The following GPRIN3 variants were observed in gnomAD, a reference collection of about 807,000 sequenced individuals.
GPRIN3 encodes the protein G protein-regulated inducer of neurite outgrowth 3.
A neutral mutation model predicts 13.7 loss-of-function variants in GPRIN3; 12 were observed. The observed-to-expected ratio is 0.87, with a 90% confidence interval of 0.56 to 1.42. The LOEUF is 1.42. GPRIN3 is among the 40% of genes most tolerant of loss of function. GPRIN3 has a pLI of 0.00. For synonymous variants in GPRIN3, 377 were observed against 372.7 expected, an observed-to-expected ratio of 1.01 and a Z score of -0.13; for missense variants, 1,009 against 958.7, an observed-to-expected ratio of 1.05 and a Z score of -0.69.
chr4:89,256,511 C>T (rs1462449671), intron 1 of GPRIN3, among the ~76,000 whole-genome samples: 3 of 152,194 alleles, frequency 2.0e-5, no homozygotes, highest in South Asian at 2.1e-4. Flanking sequence ...CCCAAAGCCA[C>T]GCTGATGGGA....
intron 1 of GPRIN3, among the ~76,000 whole-genome samples, chr4:89,258,103 G>A (rs941613235): frequency 6.6e-6 from 1 of 151,180 alleles, no homozygotes; most frequent in African/African-American, 2.4e-5. Flanking sequence ...AAGGTAGTAG[G>A]AAAAAGAATT....
chr4:89,304,008 T>C (rs1402556237), intron 1 of GPRIN3, among the ~76,000 whole-genome samples: 1 of 152,194 alleles, frequency 6.6e-6, no homozygotes, highest in African/African-American at 2.4e-5. Flanking sequence ...TACTTCCTCA[T>C]TCTTTGCTTC....
intron 1 of GPRIN3, among the ~76,000 whole-genome samples, chr4:89,265,998 G>A (rs778144207): frequency 7.9e-5 from 12 of 152,156 alleles, no homozygotes; most frequent in South Asian, 2.1e-4. Context: ...AACACAAAGC[G>A]CTACATTTTT....
At position 89,276,496 on chromosome 4, in the gene GPRIN3, C is replaced by T. The variant is rs114852041; in HGVS notation, c.-123-26263G>A. Reference sequence around the variant, plus strand: ...CAGAGAGACTAGTTGAAAAAGACACCATCAGCAATTTCTTTTGAAAAACTA... The same window carrying T: ...CAGAGAGACTAGTTGAAAAAGACACTATCAGCAATTTCTTTTGAAAAACTA... On this transcript the variant is annotated intron_variant, in intron 1 of 1. Coordinates refer to ENST00000609438, the MANE Select transcript of GPRIN3 (RefSeq NM_198281.3). Among the ~76,000 whole-genome samples, 838 of 152,238 alleles carry T rather than the reference C, an allele frequency of 5.5e-3. 3 individuals are homozygous for T. The highest frequency in any genetic ancestry group is 0.02 in the Middle Eastern group (6 of 294).
At chr4:89,301,445 A>G (rs1724894724) in intron 1 of GPRIN3, among the ~76,000 whole-genome samples, 2 of 152,236 alleles carry the variant, frequency 1.3e-5, no homozygotes. Context: ...CATTTTAGAA[A>G]AACTGTCAAC....
chr4:89,240,764 A>C lies in GPRIN3; in HGVS notation c.*7016T>G, dbSNP rs1359621610. 6.6e-6 allele frequency: 1 copy of C among 152,216 alleles called. No homozygotes were observed. Among genetic ancestry groups the C allele is most frequent in the Non-Finnish European group, 1.5e-5 (1 of 68,034 alleles). The allele number at this position is 152,216 out of a possible 1,614,324, so 9.4% of individuals were successfully genotyped here. A position where few individuals can be genotyped will look rare whatever the true frequency, so the allele number is the denominator to read the frequency against. ...TATTTGTAAAACAGAGCAGTCATGG[A>C]AATATGCAACTTTCAATTAGTGGTT... On this transcript the variant is annotated 3_prime_UTR_variant, in exon 2 of 2. Coordinates refer to ENST00000609438, the MANE Select transcript of GPRIN3 (RefSeq NM_198281.3).
chr4:89,289,038 C>A (rs1488974833), intron 1 of GPRIN3, among the ~76,000 whole-genome samples: 1 of 151,594 alleles, frequency 6.6e-6, no homozygotes, highest in African/African-American at 2.4e-5. Context: ...TCAGATCATC[C>A]CTTTGTAGCC....
At chr4:89,267,506 G>A (rs972302361) in intron 1 of GPRIN3, among the ~76,000 whole-genome samples, 5 of 152,124 alleles carry the variant, frequency 3.3e-5, no homozygotes, top group Non-Finnish European at 7.4e-5. Context: ...AGCTTTAGAA[G>A]GTTCACTGTC....
rs1722957545 is a variant in GPRIN3 at position 89,241,989 on chromosome 4, T to C, written c.*5791A>G. The C allele has an allele frequency of 1.3e-5, 2 of 152,168 alleles. No homozygotes were observed. The highest frequency in any genetic ancestry group is 2.9e-5 in the Non-Finnish European group (2 of 68,016). 9.4% of individuals were successfully genotyped at this position (152,168 alleles called of 1,614,324 possible). A position where few individuals can be genotyped will look rare whatever the true frequency, so the allele number is the denominator to read the frequency against. Reference sequence around the variant, plus strand: ...CTATAATTTTCACCCCAGAAATAAATGAATGACATCTCCATAGTTAAGAGA... The same window carrying C: ...CTATAATTTTCACCCCAGAAATAAACGAATGACATCTCCATAGTTAAGAGA... On this transcript the variant is annotated 3_prime_UTR_variant, in exon 2 of 2. Transcript: ENST00000609438.
At chr4:89,251,797 A>C (rs561496594) in intron 1 of GPRIN3, among the ~76,000 whole-genome samples, 1 of 152,364 alleles carries the variant, frequency 6.6e-6, no homozygotes, top group African/African-American at 2.4e-5. Context: ...GTATGATTAC[A>C]TAAATTCTAA....
intron 1 of GPRIN3, among the ~76,000 whole-genome samples, chr4:89,280,917 A>T (rs1724228914): frequency 6.6e-6 from 1 of 152,164 alleles, no homozygotes; most frequent in Non-Finnish European, 1.5e-5. Flanking sequence ...GCTATAAAGG[A>T]ATAGCTGAGA....
intron 1 of GPRIN3, among the ~76,000 whole-genome samples, chr4:89,268,023 T>G (rs1723829985): frequency 6.6e-6 from 1 of 152,246 alleles, no homozygotes; most frequent in Non-Finnish European, 1.5e-5. Context: ...AAGTGGCTAT[T>G]ACTGGGAGAC....
intron 1 of GPRIN3, among the ~76,000 whole-genome samples, chr4:89,285,462 A>G (rs998278621): frequency 5.9e-5 from 9 of 152,192 alleles, no homozygotes; most frequent in African/African-American, 2.2e-4. Flanking sequence ...CTTTTTCTTT[A>G]CTGCAATGCC....
At position 89,249,880 on chromosome 4, in the gene GPRIN3, A is replaced by G; in HGVS notation, c.231T>C (p.Asp77=). 2 of 1,614,180 alleles carry G rather than the reference A, an allele frequency of 1.2e-6. No individual in the cohort carries two copies. The highest frequency in any genetic ancestry group is 1.7e-6 in the Non-Finnish European group (2 of 1,180,020). ...QVCEHETTQP[D]MSSPGVFNEV... is the part of the protein sequence containing the mutation. ...CATTGAACACACCAGGAGAAGACATATCTGGTTGGGTGGTCTCATGCTCAC... is the reference window on the plus strand; with the variant it reads ...CATTGAACACACCAGGAGAAGACATGTCTGGTTGGGTGGTCTCATGCTCAC... Residue 77 remains aspartate, a synonymous_variant, in exon 2 of 2, where the codon GAT becomes GAC. Coordinates refer to ENST00000609438, the MANE Select transcript of GPRIN3 (RefSeq NM_198281.3).
chr4:89,252,084 C>T lies in GPRIN3; in HGVS notation c.-123-1851G>A, dbSNP rs535294814. Among the ~76,000 whole-genome samples the T allele has an allele frequency of 5.3e-5, 8 of 151,996 alleles. No individual in the cohort carries two copies. In the East Asian group the frequency reaches 9.7e-4, roughly 18 times the overall value. On this transcript the variant is annotated intron_variant, in intron 1 of 1. Transcript: ENST00000609438. ...ACCTCCCAGGCTCAAGCTATCTTCC[C>T]ACCTCGGCCTCCCAAGTAGCTGGGA... is the stretch of plus-strand genomic sequence containing the variant.
At position 89,260,052 on chromosome 4, in the gene GPRIN3, C is replaced by T. The variant is rs73845919; in HGVS notation, c.-123-9819G>A. 7.0e-3 allele frequency among the ~76,000 whole-genome samples: 1,067 copies of T among 152,248 alleles called. 14 individuals are homozygous for T. The highest frequency in any genetic ancestry group is 0.024 in the African/African-American group (995 of 41,522). On this transcript the variant is annotated intron_variant, in intron 1 of 1. Transcript: ENST00000609438. ...GAACTCCTGACCTCAGGTGATCCAC[C>T]GGCTTCAGTCTCCCAAAGTGCTGGG...
chr4:89,254,128 G>GGTGTGTGTGTGT (rs57642647), intron 1 of GPRIN3, among the ~76,000 whole-genome samples: 17,735 of 147,604 alleles, frequency 0.12, 1,290 homozygotes, highest in East Asian at 0.25. Context: ...GTTGCATCTG[G>GGTGTGTGTGTGT]GTGTGTGTGT....
At chr4:89,281,932 C>G (rs1423710959) in intron 1 of GPRIN3, among the ~76,000 whole-genome samples, 1 of 149,526 alleles carries the variant, frequency 6.7e-6, no homozygotes, top group African/African-American at 2.5e-5. Context: ...ATTCTAAAGT[C>G]TTTATTATAA....
At chr4:89,300,548 T>C (rs1724867145) in intron 1 of GPRIN3, among the ~76,000 whole-genome samples, 1 of 152,142 alleles carries the variant, frequency 6.6e-6, no homozygotes, top group South Asian at 2.1e-4. Context: ...TCAATTCTGA[T>C]TTGGTACATA....
Sources: gnomAD v4.1 joint callset for allele counts (sites outside exome capture counted in the v4.1 genomes callset) on GRCh38, gnomAD v4.1.1 for gene constraint, MANE v1.5 for transcripts, NCBI Gene and HGNC (gene_info 2026-07-23, HGNC 2026-07-21) for gene names.